RAB33A: variants seen among roughly 807,000 people sequenced by gnomAD.
The protein encoded by RAB33A is ras-related protein Rab-33A.
Under a neutral mutation model 12.0 loss-of-function variants are expected in RAB33A, and 6 were observed. The observed-to-expected ratio is 0.50, with a 90% confidence interval of 0.27 to 0.99. The LOEUF is 0.99. Among genes scored for constraint, RAB33A ranks in the 50% least tolerant of loss-of-function variants. RAB33A has a pLI of 0.11. For missense variants in RAB33A, 109 were observed against 192.0 expected (o/e 0.57, Z 2.55); for synonymous variants, 70 against 82.4 (o/e 0.85, Z 0.81).
chrX:130,143,884 T>C, the RAB33A span, among the ~76,000 whole-genome samples: 5 of 111,180 alleles, frequency 4.5e-5, no homozygotes, highest in African/African-American at 1.6e-4. Context: ...ACTGATGTTA[T>C]TAATAGCTTA....
chrX:130,170,153 G>T (rs1422197331), upstream of RAB33A, among the ~76,000 whole-genome samples: 1 of 112,623 alleles, frequency 8.9e-6, no homozygotes, highest in Non-Finnish European at 1.9e-5. Context: ...TGATAAAAGG[G>T]TTAGCTGTAA....
chrX:130,157,404 T>C, the RAB33A span, among the ~76,000 whole-genome samples: 1 of 112,030 alleles, frequency 8.9e-6, no homozygotes, highest in Non-Finnish European at 1.9e-5. Context: ...CAGTCTCTGA[T>C]TATTCTGTGA....
chrX:130,118,955 G>A, the RAB33A span, among the ~76,000 whole-genome samples: 2 of 111,744 alleles, frequency 1.8e-5, no homozygotes, highest in African/African-American at 3.3e-5. Context: ...GAGCCTGTGC[G>A]TCTCAGGATG....
the RAB33A span, among the ~76,000 whole-genome samples, chrX:130,144,796 G>A: frequency 1.8e-5 from 2 of 112,024 alleles, no homozygotes; most frequent in South Asian, 7.3e-4. Context: ...TACACATAGG[G>A]GACACTAAAT....
At chrX:130,124,076 A>T in the RAB33A span, among the ~76,000 whole-genome samples, 1 of 111,879 alleles carries the variant, frequency 8.9e-6, no homozygotes, top group African/African-American at 3.3e-5. Context: ...CTCTATTTTT[A>T]AAAATGCCTA....
At chrX:130,184,182 C>A in intron 1 of RAB33A, 103 bp from the exon 2 acceptor site, 1 of 800,710 alleles carries the variant, frequency 1.2e-6, no homozygotes, top group Non-Finnish European at 1.8e-6. Flanking sequence ...AGCCACCGCA[C>A]CCGTCCTGTC....
At chrX:130,170,239 G>A (rs1443393760), upstream of RAB33A, among the ~76,000 whole-genome samples, 1 of 112,518 alleles carries the variant, frequency 8.9e-6, no homozygotes, top group Admixed American at 9.4e-5. Context: ...TCCTTGAGTA[G>A]TCACATTCCA....
At chrX:130,117,085 G>A in the RAB33A span, among the ~76,000 whole-genome samples, 2 of 111,688 alleles carry the variant, frequency 1.8e-5, no homozygotes, top group African/African-American at 6.5e-5. Context: ...GTGGTGGCGG[G>A]CTCCTGTAGT....
chrX:130,150,977 CAAAAAAAAAA>C, the RAB33A span, among the ~76,000 whole-genome samples: 1 of 27,813 alleles, frequency 3.6e-5, no homozygotes, highest in African/African-American at 1.8e-4. Context: ...GACTCTGTCT[CAAAAAAAAAA>C]AAAAAAAAGA....
At chrX:130,170,858 C>G (rs1168142354), upstream of RAB33A, among the ~76,000 whole-genome samples, 1 of 112,698 alleles carries the variant, frequency 8.9e-6, no homozygotes, top group African/African-American at 3.2e-5. Flanking sequence ...ATGCCATTGT[C>G]CCAAGATCCT....
chrX:130,184,103 G>T (rs981477846), intron 1 of RAB33A, among the ~76,000 whole-genome samples, 182 bp from the exon 2 acceptor site: 2 of 112,053 alleles, frequency 1.8e-5, no homozygotes, highest in Admixed American at 1.9e-4. Context: ...TGGTCAGGCT[G>T]GTCTCAAATT....
the RAB33A span, chrX:130,147,479 A>G: frequency 4.0e-5 from 49 of 1,210,269 alleles, no homozygotes; most frequent in African/African-American, 2.6e-4. Flanking sequence ...CTCATTTTAC[A>G]TAAGCAAACA....
chrX:130,149,481 C>T, the RAB33A span: 1 of 1,208,397 alleles, frequency 8.3e-7, no homozygotes, highest in African/African-American at 1.7e-5. Flanking sequence ...GATAACGCGG[C>T]CTTTTTCTGT....
chrX:130,181,007 CAAAAAAAAAAA>C (rs60085312), intron 1 of RAB33A, among the ~76,000 whole-genome samples: 9 of 8,125 alleles, frequency 1.1e-3, no homozygotes, highest in South Asian at 0.014. Flanking sequence ...CAGTCCATCT[CAAAAAAAAAAA>C]AAAAAAAAAA....
the RAB33A span, among the ~76,000 whole-genome samples, chrX:130,115,812 A>C: frequency 1.8e-5 from 2 of 111,532 alleles, no homozygotes; most frequent in Non-Finnish European, 3.8e-5. Flanking sequence ...ATGGTGTTAA[A>C]GGAAGCCTCC....
intron 1 of RAB33A, among the ~76,000 whole-genome samples, chrX:130,172,979 G>A (rs916774359): frequency 9.0e-6 from 1 of 111,362 alleles, no homozygotes; most frequent in African/African-American, 3.3e-5. Context: ...CAGCCCCCCT[G>A]GAATGATATC....
the RAB33A span, among the ~76,000 whole-genome samples, chrX:130,116,872 G>A: frequency 8.9e-6 from 1 of 111,887 alleles, no homozygotes; most frequent in African/African-American, 3.3e-5. Flanking sequence ...CTCTTGGAAA[G>A]CCACTCGGTC....
chrX:130,151,304 C>A, the RAB33A span, among the ~76,000 whole-genome samples: 5 of 110,254 alleles, frequency 4.5e-5, no homozygotes, highest in Non-Finnish European at 5.7e-5. Context: ...CCATGCCCAG[C>A]TAATTTTTGT....
At chrX:130,115,753 G>A in the RAB33A span, among the ~76,000 whole-genome samples, 1 of 110,903 alleles carries the variant, frequency 9.0e-6, no homozygotes, top group African/African-American at 3.3e-5. Flanking sequence ...GTTGCCTATC[G>A]ATTAGACTTT....
Sources: gnomAD v4.1 joint callset for allele counts (sites outside exome capture counted in the v4.1 genomes callset) on GRCh38, gnomAD v4.1.1 for gene constraint, MANE v1.5 for transcripts, NCBI Gene and HGNC (gene_info 2026-07-23, HGNC 2026-07-21) for gene names.